Variants in CHD9 observed in about 807,000 individuals in gnomAD.
CHD9 encodes chromodomain helicase DNA binding protein 9.
In CHD9, 77 loss-of-function variants were observed where a neutral mutation model predicts 316.1. The ratio of observed to expected loss-of-function variants is 0.24; its 90% CI spans 0.20 to 0.29. CHD9 has a LOEUF of 0.29. CHD9 is among the 10% of genes least tolerant of loss of function. CHD9 has a pLI of 1.00. For synonymous variants in CHD9, 1,129 were observed against 1,158.3 expected (o/e 0.97, Z 0.51); for missense variants, 2,763 against 3,438.1 (o/e 0.80, Z 4.91).
intron 36 of CHD9, among the ~76,000 whole-genome samples, chr16:53,315,849 A>T (rs1806481865): frequency 1.3e-5 from 2 of 152,200 alleles, no homozygotes; most frequent in African/African-American, 4.8e-5. Flanking sequence ...CTCAGCAAAC[A>T]GACTCTTAAA....
At chr16:53,178,084 T>C (rs1024582006) in intron 2 of CHD9, among the ~76,000 whole-genome samples, 3 of 152,178 alleles carry the variant, frequency 2.0e-5, no homozygotes, top group African/African-American at 7.2e-5. Context: ...TATGAGACTG[T>C]TGGGGCAGAG....
Position 53,226,434 on chromosome 16 carries a change from A to C in CHD9, c.1965A>C (p.Glu655Asp), listed in dbSNP as rs1468777817. Residue 655 changes from glutamate (E) to aspartate (D), a missense_variant, in exon 5 of 39, where the codon GAA becomes GAC. By Grantham distance (45) the Glu-to-Asp change is conservative. This residue lies in a region of CHD9 where 859 missense variants were observed against 890.4 expected (regional missense o/e 0.96). Coordinates refer to ENST00000447540, the MANE Select transcript of CHD9 (RefSeq NM_001308319.2). ...AAGATATAGAAGGGAAGCAATCTGAAGAAGAGGTTAAAGGTTCTATGAAAA... is the reference window on the plus strand; with the variant it reads ...AAGATATAGAAGGGAAGCAATCTGACGAAGAGGTTAAAGGTTCTATGAAAA... ...YAEDIEGKQS[E>D]EEVKGSMKIK... 6.2e-7 allele frequency: 1 copy of C among 1,605,682 alleles called. No homozygotes were observed. The highest frequency in any genetic ancestry group is 8.5e-7 in the Non-Finnish European group (1 of 1,177,320).
intron 30 of CHD9, 79 bp downstream of exon 30, chr16:53,297,237 CT>C: frequency 1.9e-6 from 2 of 1,039,396 alleles, no homozygotes; most frequent in Non-Finnish European, 2.9e-6. Flanking sequence ...CAATTTGTCT[CT>C]TTTATGTGAA....
intron 2 of CHD9, among the ~76,000 whole-genome samples, chr16:53,203,610 G>T (rs2045633416): frequency 6.6e-6 from 1 of 152,134 alleles, no homozygotes; most frequent in Admixed American, 6.5e-5. Context: ...TCTTGAGAAA[G>T]GTTGGGAGAA....
chr16:53,114,464 G>T (rs1049909162), intron 1 of CHD9, among the ~76,000 whole-genome samples: 113 of 152,250 alleles, frequency 7.4e-4, no homozygotes, highest in African/African-American at 2.5e-3. Flanking sequence ...TGCCGTATTG[G>T]CCAGGCTGGT....
intron 1 of CHD9, among the ~76,000 whole-genome samples, chr16:53,063,227 C>G (rs1013708258): frequency 3.9e-5 from 6 of 152,004 alleles, no homozygotes; most frequent in African/African-American, 1.5e-4. Flanking sequence ...ACTGAGCAAA[C>G]AGGCATAGAG....
intron 19 of CHD9, among the ~76,000 whole-genome samples, chr16:53,257,883 T>C (rs998057040): frequency 3.3e-5 from 5 of 152,136 alleles, no homozygotes; most frequent in Non-Finnish European, 7.4e-5. Flanking sequence ...GAAATCTTAC[T>C]TAGTTTTGAT....
intron 1 of CHD9, among the ~76,000 whole-genome samples, chr16:53,099,982 A>T (rs766824306): frequency 6.6e-6 from 1 of 152,184 alleles, no homozygotes; most frequent in African/African-American, 2.4e-5. Context: ...GAAAGCTGAC[A>T]GCCACTGGCG....
At chr16:53,285,561 A>G (rs760544193) in intron 24 of CHD9, 35 bp from the exon 25 acceptor site, 5 of 1,394,512 alleles carry the variant, frequency 3.6e-6, no homozygotes, top group Non-Finnish European at 5.0e-6. Context: ...CTCATTTATA[A>G]TAATTCATAA....
chr16:53,273,916 A>C, intron 23 of CHD9, 131 bp downstream of exon 23: 1 of 824,006 alleles, frequency 1.2e-6, no homozygotes, highest in Non-Finnish European at 1.9e-6. Context: ...CTAATTTTAC[A>C]AGGTATCCTA....
chr16:53,136,591 C>G (rs748652646), intron 1 of CHD9, among the ~76,000 whole-genome samples: 42 of 150,302 alleles, frequency 2.8e-4, no homozygotes, highest in Non-Finnish European at 6.0e-4. Flanking sequence ...TTTAAGATTA[C>G]AGACTTGGTG....
intron 2 of CHD9, among the ~76,000 whole-genome samples, chr16:53,163,020 C>T (rs546402580): frequency 6.6e-6 from 1 of 152,018 alleles, no homozygotes; most frequent in Non-Finnish European, 1.5e-5. Flanking sequence ...ATCCTCCCAC[C>T]TCAGCCTACC....
chr16:53,185,213 A>C (rs759611556), intron 2 of CHD9, among the ~76,000 whole-genome samples: 29 of 152,186 alleles, frequency 1.9e-4, no homozygotes, highest in Non-Finnish European at 3.7e-4. Flanking sequence ...GGAAAGTTTC[A>C]GACTTCCTAC....
chr16:53,268,237 T>A, intron 22 of CHD9, 111 bp downstream of exon 22: 1 of 745,330 alleles, frequency 1.3e-6, no homozygotes, highest in Non-Finnish European at 2.1e-6. Flanking sequence ...TAAGGAACCT[T>A]AACCTTCACT....
At chr16:53,290,693 G>A (rs145936251) in intron 27 of CHD9, among the ~76,000 whole-genome samples, 54 of 152,182 alleles carry the variant, frequency 3.5e-4, no homozygotes, top group East Asian at 2.3e-3. Flanking sequence ...CAGGAGGATC[G>A]CTTGAGCCCG....
At chr16:53,163,955 A>G (rs552101952) in intron 2 of CHD9, among the ~76,000 whole-genome samples, 9 of 152,268 alleles carry the variant, frequency 5.9e-5, no homozygotes, top group Non-Finnish European at 1.0e-4. Context: ...TTCAATCTGC[A>G]TGGTTGGAAA....
intron 1 of CHD9, among the ~76,000 whole-genome samples, chr16:53,142,401 C>G (rs2040193319): frequency 6.6e-6 from 1 of 152,132 alleles, no homozygotes; most frequent in Non-Finnish European, 1.5e-5. Flanking sequence ...TGCGCCCATC[C>G]CGAATATTTT....
At chr16:53,216,508 A>G (rs892377316) in intron 3 of CHD9, among the ~76,000 whole-genome samples, 8 of 152,206 alleles carry the variant, frequency 5.3e-5, no homozygotes, top group Non-Finnish European at 8.8e-5. Context: ...TCAATAAGGT[A>G]TGTTGGAACT....
In CHD9 at chr16:53,103,100, CT is replaced by C. The variant is rs1421325846; in HGVS notation, c.-165+48024del. Among the ~76,000 whole-genome samples, 40 of 150,678 alleles carry C rather than the reference CT, an allele frequency of 2.7e-4. 1 individual carries two copies. The highest frequency in any genetic ancestry group is 2.2e-3 in the Admixed American group (33 of 15,176). On this transcript the variant is annotated intron_variant, in intron 1 of 38. Transcript: ENST00000447540. Reference sequence around the variant, plus strand: ...GACCTCGTGATCCGCCCGCCTTGGCCTCCCAAAGTGCTGGGATTATAGGCAT... The same window carrying C: ...GACCTCGTGATCCGCCCGCCTTGGCCCCCAAAGTGCTGGGATTATAGGCAT...
Sources: allele counts gnomAD v4.1 joint callset (sites outside exome capture counted in the v4.1 genomes callset), GRCh38; gene constraint gnomAD v4.1.1; regional missense constraint gnomAD v4.1.1; transcripts MANE v1.5; gene names NCBI Gene and HGNC (gene_info 2026-07-23, HGNC 2026-07-21).